The following RYR2 variants were observed in gnomAD, a reference collection of about 807,000 sequenced individuals.
RYR2 encodes cardiac muscle ryanodine receptor-calcium release channel.
RYR2 carries 227 observed loss-of-function variants against 601.1 expected under a neutral mutation model. That is an observed-to-expected ratio of 0.38 (90% CI 0.34 to 0.42). The LOEUF (loss-of-function observed/expected upper bound fraction) is 0.42. Among genes scored for constraint, RYR2 ranks in the 10% least tolerant of loss-of-function variants. The pLI is 1.00. For synonymous variants in RYR2, 2,223 were observed against 2,175.1 expected, an observed-to-expected ratio of 1.02 and a Z score of -0.61; for missense variants, 4,646 against 6,156.5, an observed-to-expected ratio of 0.75 and a Z score of 8.21.
intron 27 of RYR2, among the ~76,000 whole-genome samples, chr1:237,565,115 T>TTCTTTTTCTTTC (rs1553503217): frequency 2.3e-4 from 2 of 8,760 alleles, no homozygotes; most frequent in African/African-American, 2.9e-4. Context: ...CTTTCTTTCT[T>TTCTTTTTCTTTC]TTTCTTTCTT....
chr1:237,386,001 A>G lies in RYR2; in HGVS notation c.577-1280A>G, dbSNP rs532846501. 3.3e-5 allele frequency among the ~76,000 whole-genome samples: 5 copies of G among 152,344 alleles called. No homozygotes were observed. The East Asian group carries it at 9.7e-4, about 29-fold the overall frequency. ...ATTTGTAAACAATTAAACAGTTTTA[A>G]CATACTGGAGAAGAAATTGAGTCAA... On this transcript the variant is annotated intron_variant, in intron 8 of 104. Coordinates refer to ENST00000366574, the MANE Select transcript of RYR2 (RefSeq NM_001035.3).
At chr1:237,764,282 A>G (rs545649953) in intron 84 of RYR2, among the ~76,000 whole-genome samples, 47 of 152,296 alleles carry the variant, frequency 3.1e-4, no homozygotes, top group African/African-American at 1.1e-3. Context: ...GCTGAGACTG[A>G]AATGCAGGCA....
At chr1:237,400,431 A>G (rs900576493) in intron 10 of RYR2, among the ~76,000 whole-genome samples, 3 of 152,140 alleles carry the variant, frequency 2.0e-5, no homozygotes, top group Admixed American at 1.3e-4. Context: ...CCAGGTGGAT[A>G]AAAAGCAGTG....
intron 91 of RYR2, among the ~76,000 whole-genome samples, chr1:237,786,761 GC>G (rs1000137501): frequency 6.6e-6 from 1 of 152,212 alleles, no homozygotes; most frequent in African/African-American, 2.4e-5. Context: ...AAGAAAGGAA[GC>G]TTTTAGGTGC....
chr1:237,043,160 C>T (rs972220772), intron 1 of RYR2, among the ~76,000 whole-genome samples: 19 of 152,196 alleles, frequency 1.2e-4, no homozygotes, highest in African/African-American at 4.8e-5. Flanking sequence ...GAGGTTTCCC[C>T]CAAGTCAAGG....
At position 237,697,317 on chromosome 1, in the gene RYR2, T is replaced by G. The variant is rs193165159; in HGVS notation, c.9068-1648T>G. On this transcript the variant is annotated intron_variant, in intron 63 of 104. Transcript: ENST00000366574. ...TGTTATTCTACCCAGTTTCTGTAGG[T>G]GTGTGTGTGTGTGTATATATATATA... Among the ~76,000 whole-genome samples, 787 of 144,414 alleles carry G rather than the reference T, an allele frequency of 5.4e-3. 5 individuals carry two copies. Among genetic ancestry groups the G allele is most frequent in the South Asian group, 0.01 (48 of 4,652 alleles). 94.7% of individuals were successfully genotyped at this position (144,414 alleles called of 152,430 possible).
intron 98 of RYR2, among the ~76,000 whole-genome samples, chr1:237,803,447 C>T (rs1029022046): frequency 2.0e-5 from 3 of 152,116 alleles, no homozygotes; most frequent in Non-Finnish European, 2.9e-5. Flanking sequence ...ACTACAGGCG[C>T]CCGCCACCAC....
At chr1:237,786,564 TG>T (rs1370756194) in intron 91 of RYR2, among the ~76,000 whole-genome samples, 2 of 152,326 alleles carry the variant, frequency 1.3e-5, no homozygotes, top group East Asian at 3.9e-4. Flanking sequence ...AGGTCTGGTG[TG>T]GGGCCTGGGA....
At chr1:237,102,469 T>C (rs563840364) in intron 1 of RYR2, among the ~76,000 whole-genome samples, 3 of 152,290 alleles carry the variant, frequency 2.0e-5, no homozygotes, top group Admixed American at 1.3e-4. Context: ...AGTAAAGTAG[T>C]AAAGTCACAG....
In RYR2 at chr1:237,435,384, C is replaced by T. The variant is rs532405371; in HGVS notation, c.1006-5935C>T. ...AACTACATAGTAAGACTAAAACCCTCTTTAGTAAGAAAACTAAAGATTTTA... is the reference window on the plus strand; with the variant it reads ...AACTACATAGTAAGACTAAAACCCTTTTTAGTAAGAAAACTAAAGATTTTA... On this transcript the variant is annotated intron_variant, in intron 12 of 104. Coordinates refer to ENST00000366574, the MANE Select transcript of RYR2 (RefSeq NM_001035.3). Among the ~76,000 whole-genome samples the T allele has an allele frequency of 2.0e-5, 3 of 152,250 alleles. No homozygotes were observed. The South Asian group carries it at 6.2e-4, about 32-fold the overall frequency.
At chr1:237,095,383 G>C (rs1450444259) in intron 1 of RYR2, among the ~76,000 whole-genome samples, 1 of 152,136 alleles carries the variant, frequency 6.6e-6, no homozygotes, top group South Asian at 2.1e-4. Context: ...TTGTGACATA[G>C]ACAATCTGGA....
chr1:237,544,567 T>C (rs1307995742), intron 25 of RYR2, among the ~76,000 whole-genome samples: 1 of 152,226 alleles, frequency 6.6e-6, no homozygotes, highest in East Asian at 1.9e-4. Flanking sequence ...GTGTTCAGTT[T>C]CTGGTTCATG....
At chr1:237,700,127 A>T (rs1687835710) in intron 64 of RYR2, 102 bp from the exon 65 acceptor site, 2 of 771,592 alleles carry the variant, frequency 2.6e-6, no homozygotes, top group South Asian at 2.1e-5. Context: ...TTACCAGGTG[A>T]GTAGAGTAAT....
intron 1 of RYR2, among the ~76,000 whole-genome samples, chr1:237,131,926 G>A (rs986126880): frequency 3.3e-5 from 5 of 151,816 alleles, no homozygotes; most frequent in African/African-American, 4.8e-5. Context: ...GACGCCCTAC[G>A]TTGCCCAGGC....
chr1:237,715,246 A>G (rs1689178433), intron 71 of RYR2, among the ~76,000 whole-genome samples: 1 of 152,216 alleles, frequency 6.6e-6, no homozygotes, highest in Admixed American at 6.5e-5. Flanking sequence ...GAGAAACGAC[A>G]AAACAGGTTT....
chr1:237,722,572 T>A (rs947412442), intron 73 of RYR2, among the ~76,000 whole-genome samples: 1 of 151,916 alleles, frequency 6.6e-6, no homozygotes, highest in Admixed American at 6.6e-5. Flanking sequence ...TAGCTGGGAC[T>A]ACAGGCGCCC....
At chr1:237,130,034 A>G (rs1021565870) in intron 1 of RYR2, among the ~76,000 whole-genome samples, 2 of 152,154 alleles carry the variant, frequency 1.3e-5, no homozygotes, top group African/African-American at 4.8e-5. Flanking sequence ...CTGGAGATCT[A>G]TTGTACAGCA....
At chr1:237,139,385 G>A (rs1000982822) in intron 1 of RYR2, among the ~76,000 whole-genome samples, 14 of 152,204 alleles carry the variant, frequency 9.2e-5, no homozygotes, top group Admixed American at 5.2e-4. Context: ...GGCAGTGGGA[G>A]GATTGGGTGG....
At chr1:237,223,939 C>T (rs1014637367) in intron 1 of RYR2, among the ~76,000 whole-genome samples, 1 of 152,144 alleles carries the variant, frequency 6.6e-6, no homozygotes, top group African/African-American at 2.4e-5. Flanking sequence ...GAGTCATTTT[C>T]CTACAATTTT....
Sources: allele counts gnomAD v4.1 joint callset (sites outside exome capture counted in the v4.1 genomes callset), GRCh38; gene constraint gnomAD v4.1.1; transcripts MANE v1.5; gene names NCBI Gene and HGNC (gene_info 2026-07-23, HGNC 2026-07-21).